FBXL17: variants seen among roughly 807,000 people sequenced by gnomAD.
FBXL17 encodes F-box/LRR-repeat protein 17.
FBXL17 carries 22 observed loss-of-function variants against 66.2 expected under a neutral mutation model. The ratio of observed to expected loss-of-function variants is 0.33; its 90% CI spans 0.24 to 0.47. The LOEUF is 0.47. FBXL17 is among the 20% of genes least tolerant of loss of function. FBXL17 has a pLI of 1.00. For synonymous variants in FBXL17, 474 were observed against 400.5 expected, an observed-to-expected ratio of 1.18 and a Z score of -2.19; for missense variants, 878 against 948.2, an observed-to-expected ratio of 0.93 and a Z score of 0.97.
chr5:107,973,148 G>A (rs968277226), intron 7 of FBXL17, among the ~76,000 whole-genome samples: 1 of 151,942 alleles, frequency 6.6e-6, no homozygotes, highest in South Asian at 2.1e-4. Context: ...CCTGTTCAGG[G>A]TATACTCCAT....
chr5:107,962,512 C>T (rs1439781491), intron 7 of FBXL17, among the ~76,000 whole-genome samples: 1 of 151,998 alleles, frequency 6.6e-6, no homozygotes, highest in African/African-American at 2.4e-5. Context: ...ATAGAAAATA[C>T]CATTTACATA....
chr5:108,367,984 G>A (rs1248694844), intron 1 of FBXL17, 31 bp from the exon 2 acceptor site: 1 of 1,521,272 alleles, frequency 6.6e-7, no homozygotes, highest in Admixed American at 2.2e-5. Flanking sequence ...CATATAATAT[G>A]TGCTAAACAT....
At chr5:107,963,141 C>T (rs971437905) in intron 7 of FBXL17, among the ~76,000 whole-genome samples, 4 of 152,008 alleles carry the variant, frequency 2.6e-5, no homozygotes, top group African/African-American at 7.2e-5. Context: ...TACTAAAGTA[C>T]TCATATTTTA....
intron 6 of FBXL17, among the ~76,000 whole-genome samples, chr5:108,055,402 A>T (rs910829014): frequency 2.7e-5 from 4 of 150,454 alleles, no homozygotes; most frequent in Non-Finnish European, 5.9e-5. Flanking sequence ...AGGTCAGGAG[A>T]TTGAGACCAT....
chr5:108,034,207 T>C (rs1306282886), intron 6 of FBXL17, among the ~76,000 whole-genome samples: 2 of 152,308 alleles, frequency 1.3e-5, no homozygotes, highest in Non-Finnish European at 1.5e-5. Flanking sequence ...CTCAATATTA[T>C]ATTACATGTA....
chr5:108,285,431 T>C (rs1757861152), intron 4 of FBXL17, among the ~76,000 whole-genome samples: 3 of 151,992 alleles, frequency 2.0e-5, no homozygotes, highest in African/African-American at 4.8e-5. Flanking sequence ...TTACAAAATA[T>C]ACATTTATTC....
At chr5:108,317,375 A>G (rs1252730777) in intron 4 of FBXL17, among the ~76,000 whole-genome samples, 1 of 150,494 alleles carries the variant, frequency 6.6e-6, no homozygotes, top group East Asian at 1.9e-4. Context: ...TAGTCCCAAC[A>G]CAAAGAAAAG....
chr5:108,330,559 A>G (rs945084397), intron 4 of FBXL17, among the ~76,000 whole-genome samples: 1 of 152,184 alleles, frequency 6.6e-6, no homozygotes, highest in Non-Finnish European at 1.5e-5. Context: ...AACACACACA[A>G]ATCAACAAAT....
intron 7 of FBXL17, among the ~76,000 whole-genome samples, chr5:107,931,934 T>C (rs1257165168): frequency 6.6e-6 from 1 of 152,214 alleles, no homozygotes; most frequent in Non-Finnish European, 1.5e-5. Flanking sequence ...AATCACTAGC[T>C]TATTAATCAC....
In FBXL17 at chr5:107,980,664, A is replaced by ATATATATATATATTTTTT; in HGVS notation, c.1822+40260_1822+40261insAAAAAATATATATATATA. Reference sequence around the variant, plus strand: ...TAAAATAATATATATATATATATATATTTTTTTTTTGAGATGGAGTCTTGC... The same window carrying ATATATATATATATTTTTT: ...TAAAATAATATATATATATATATATATATATATATATATTTTTTTTTTTTTTTTGAGATGGAGTCTTGC... On this transcript the variant is annotated intron_variant, in intron 7 of 8. Coordinates refer to ENST00000542267, the MANE Select transcript of FBXL17 (RefSeq NM_001163315.3). Among the ~76,000 whole-genome samples, 14 of 62,078 alleles carry ATATATATATATATTTTTT rather than the reference A, an allele frequency of 2.3e-4. 1 individual carries two copies. The highest frequency in any genetic ancestry group is 6.3e-3 in the Middle Eastern group (1 of 160). 40.7% of individuals were successfully genotyped at this position (62,078 alleles called of 152,430 possible). A position where few individuals can be genotyped will look rare whatever the true frequency, so the allele number is the denominator to read the frequency against.
At chr5:108,002,205 A>G (rs1166679778) in intron 7 of FBXL17, among the ~76,000 whole-genome samples, 1 of 61,148 alleles carries the variant, frequency 1.6e-5, no homozygotes, top group Non-Finnish European at 2.5e-5. Flanking sequence ...TTTTTTTTTT[A>G]GTAGAGACGG....
At chr5:107,914,459 T>C (rs1437408920) in intron 7 of FBXL17, among the ~76,000 whole-genome samples, 3 of 152,352 alleles carry the variant, frequency 2.0e-5, no homozygotes, top group African/African-American at 4.8e-5. Flanking sequence ...GAATATTTGC[T>C]GCTGCCCACC....
intron 6 of FBXL17, among the ~76,000 whole-genome samples, chr5:108,078,688 C>T (rs564380061): frequency 6.6e-6 from 1 of 152,292 alleles, no homozygotes; most frequent in South Asian, 2.1e-4. Flanking sequence ...CCTTTGCTAG[C>T]TAAGGCTTCC....
intron 1 of FBXL17, among the ~76,000 whole-genome samples, chr5:108,368,187 T>G (rs1031615114): frequency 6.6e-6 from 1 of 151,786 alleles, no homozygotes; most frequent in Admixed American, 6.6e-5. Context: ...AGAACAGGCA[T>G]GTACTGACAC....
intron 6 of FBXL17, among the ~76,000 whole-genome samples, chr5:108,108,074 T>G (rs1295532321): frequency 6.6e-6 from 1 of 152,160 alleles, no homozygotes; most frequent in African/African-American, 2.4e-5. Flanking sequence ...TCAAGGACTT[T>G]GTACGTACTG....
At chr5:108,002,413 A>G (rs1287565203) in intron 7 of FBXL17, among the ~76,000 whole-genome samples, 2 of 152,070 alleles carry the variant, frequency 1.3e-5, no homozygotes, top group Admixed American at 1.3e-4. Context: ...TTCCCACTTC[A>G]ACAGAGATAG....
rs116306742 is a variant in FBXL17, at chr5:108,173,396, A to C, written c.1745+12721T>G. ...ACATGTACCCTAGAACTTAAAGTATAATAATAATAAAATAAAAAAAAGAAA... is the reference window on the plus strand; with the variant it reads ...ACATGTACCCTAGAACTTAAAGTATCATAATAATAAAATAAAAAAAAGAAA... On this transcript the variant is annotated intron_variant, in intron 6 of 8. Coordinates refer to ENST00000542267, the MANE Select transcript of FBXL17 (RefSeq NM_001163315.3). 3.8e-3 allele frequency among the ~76,000 whole-genome samples: 572 copies of C among 152,176 alleles called. 1 individual carries two copies. Among genetic ancestry groups the C allele is most frequent in the Non-Finnish European group, 6.2e-3 (419 of 68,008 alleles).
At chr5:107,963,420 A>C (rs753471951) in intron 7 of FBXL17, among the ~76,000 whole-genome samples, 4 of 152,188 alleles carry the variant, frequency 2.6e-5, no homozygotes, top group Admixed American at 6.6e-5. Flanking sequence ...GGAAGGTGTT[A>C]AGACTAAACA....
chr5:107,920,144 C>G (rs574044948), intron 7 of FBXL17, among the ~76,000 whole-genome samples: 1 of 152,328 alleles, frequency 6.6e-6, no homozygotes, highest in South Asian at 2.1e-4. Context: ...TTTGAGAAAT[C>G]TGCAAACTGA....
Sources: gnomAD v4.1 joint callset for allele counts (sites outside exome capture counted in the v4.1 genomes callset) on GRCh38, gnomAD v4.1.1 for gene constraint, MANE v1.5 for transcripts, NCBI Gene and HGNC (gene_info 2026-07-23, HGNC 2026-07-21) for gene names.